Variants in GSG1L observed in about 807,000 individuals in gnomAD.
GSG1L encodes GSG1 like.
Under a neutral mutation model 42.1 loss-of-function variants are expected in GSG1L, and 24 were observed. The ratio of observed to expected loss-of-function variants is 0.57; its 90% CI spans 0.41 to 0.80. The LOEUF (loss-of-function observed/expected upper bound fraction) is 0.80. Among genes scored for constraint, GSG1L ranks in the 30% least tolerant of loss-of-function variants. The pLI is 0.00. For synonymous variants in GSG1L, 215 were observed against 203.5 expected (o/e 1.06, Z -0.48); for missense variants, 445 against 472.2 (o/e 0.94, Z 0.53).
chr16:28,037,116 T>G (rs185863753), intron 1 of GSG1L, among the ~76,000 whole-genome samples: 170 of 151,326 alleles, frequency 1.1e-3, no homozygotes, highest in African/African-American at 4.0e-3. Flanking sequence ...AACCTCCGCC[T>G]CCCAGGTTCA....
chr16:28,004,289 G>C (rs1361283449), intron 1 of GSG1L, among the ~76,000 whole-genome samples: 1 of 152,170 alleles, frequency 6.6e-6, no homozygotes, highest in African/African-American at 2.4e-5. Flanking sequence ...CTGGGCCTTG[G>C]TCTATCCACA....
At chr16:27,841,764 C>A (rs1363094258) in intron 4 of GSG1L, among the ~76,000 whole-genome samples, 1 of 152,100 alleles carries the variant, frequency 6.6e-6, no homozygotes, top group Non-Finnish European at 1.5e-5. Flanking sequence ...ATTCGGTGCC[C>A]CTTGGGAGGC....
chr16:27,804,629 A>C (rs2082935873), intron 6 of GSG1L, among the ~76,000 whole-genome samples: 1 of 149,370 alleles, frequency 6.7e-6, no homozygotes, highest in South Asian at 2.2e-4. Flanking sequence ...AAGGAATGAA[A>C]GATGAAATCG....
At chr16:28,034,490 T>C (rs1196162255) in intron 1 of GSG1L, among the ~76,000 whole-genome samples, 5 of 152,228 alleles carry the variant, frequency 3.3e-5, no homozygotes, top group Admixed American at 1.3e-4. Context: ...CAGGTGCTCA[T>C]ATAACATCAA....
intron 5 of GSG1L, among the ~76,000 whole-genome samples, chr16:27,808,138 G>A (rs1045902620): frequency 1.3e-5 from 2 of 151,774 alleles, no homozygotes; most frequent in African/African-American, 4.8e-5. Context: ...AGGCTGGAGT[G>A]TAGTAGCACA....
intron 2 of GSG1L, among the ~76,000 whole-genome samples, chr16:27,959,165 G>A (rs1336765124): frequency 6.7e-6 from 1 of 149,676 alleles, no homozygotes; most frequent in Non-Finnish European, 1.5e-5. Flanking sequence ...CTTCAGGATA[G>A]GGGTTCACTT....
intron 2 of GSG1L, among the ~76,000 whole-genome samples, chr16:27,935,960 A>G (rs1472916421): frequency 6.7e-6 from 1 of 150,304 alleles, no homozygotes; most frequent in South Asian, 2.2e-4. Context: ...CCGTATCTCA[A>G]GTGAGGTCAG....
At chr16:27,889,255 G>A (rs551695261) in intron 2 of GSG1L, among the ~76,000 whole-genome samples, 16 of 152,274 alleles carry the variant, frequency 1.1e-4, no homozygotes, top group African/African-American at 1.4e-4. Context: ...CTCCCAAAGC[G>A]CTGAAATTAT....
At chr16:27,843,539 G>T (rs1406303370) in intron 4 of GSG1L, among the ~76,000 whole-genome samples, 1 of 150,956 alleles carries the variant, frequency 6.6e-6, no homozygotes, top group African/African-American at 2.4e-5. Context: ...AGGAAGGCTG[G>T]TCTGTGCATT....
chr16:27,925,466 G>GC (rs2084580467), intron 2 of GSG1L, among the ~76,000 whole-genome samples: 1 of 152,194 alleles, frequency 6.6e-6, no homozygotes, highest in African/African-American at 2.4e-5. Flanking sequence ...GACTGAGAAA[G>GC]AGTCTTGACC....
intron 1 of GSG1L, among the ~76,000 whole-genome samples, chr16:28,024,391 C>T (rs576065206): frequency 1.3e-5 from 2 of 152,288 alleles, no homozygotes; most frequent in East Asian, 1.9e-4. Flanking sequence ...TGACATGATG[C>T]GTTTAGAGCA....
At position 27,946,140 on chromosome 16, in the gene GSG1L, C is replaced by T. The variant is rs527938407; in HGVS notation, c.397+17016G>A. ...GAAATAGCACAGGACTGACGGGATA[C>T]GTCACTTTGCTGTGTGACCTCAGGC... On this transcript the variant is annotated intron_variant, in intron 2 of 6. Coordinates refer to ENST00000447459, the MANE Select transcript of GSG1L (RefSeq NM_001109763.2). Among the ~76,000 whole-genome samples, 4 of 152,356 alleles carry T rather than the reference C, an allele frequency of 2.6e-5. No individual in the cohort carries two copies. In the South Asian group the frequency reaches 8.3e-4, roughly 32 times the overall value.
chr16:27,912,842 C>A (rs756450817), intron 2 of GSG1L, among the ~76,000 whole-genome samples: 1 of 152,168 alleles, frequency 6.6e-6, no homozygotes, highest in Non-Finnish European at 1.5e-5. Flanking sequence ...AAACTGGAAA[C>A]AACTAAATGG....
At chr16:27,947,638 G>T (rs182658371) in intron 2 of GSG1L, among the ~76,000 whole-genome samples, 1 of 152,132 alleles carries the variant, frequency 6.6e-6, no homozygotes, top group Admixed American at 6.5e-5. Flanking sequence ...TGTGGGTTGT[G>T]TGATAACATG....
At chr16:28,058,395 G>A (rs760688605) in intron 1 of GSG1L, among the ~76,000 whole-genome samples, 7 of 152,172 alleles carry the variant, frequency 4.6e-5, no homozygotes, top group Non-Finnish European at 8.8e-5. Flanking sequence ...TTGGGAGGCC[G>A]AGGCAAGCGG....
intron 1 of GSG1L, among the ~76,000 whole-genome samples, chr16:28,005,455 G>C (rs528565496): frequency 2.9e-4 from 44 of 152,144 alleles, no homozygotes; most frequent in Non-Finnish European, 5.0e-4. Context: ...TCCCTGTAAG[G>C]GTTTGTATTT....
intron 1 of GSG1L, among the ~76,000 whole-genome samples, chr16:28,051,594 T>C (rs540892350): frequency 1.3e-5 from 2 of 151,800 alleles, no homozygotes; most frequent in Admixed American, 6.6e-5. Context: ...GAAGACCTCA[T>C]TCACAAGGAA....
intron 2 of GSG1L, among the ~76,000 whole-genome samples, chr16:27,934,726 C>T (rs957192272): frequency 4.6e-5 from 7 of 152,146 alleles, no homozygotes; most frequent in East Asian, 3.9e-4. Context: ...CGCGGTTGTG[C>T]GAGGGTGTCA....
At chr16:27,815,482 C>T (rs1329526909) in intron 5 of GSG1L, among the ~76,000 whole-genome samples, 3 of 152,182 alleles carry the variant, frequency 2.0e-5, no homozygotes, top group Non-Finnish European at 2.9e-5. Context: ...AATTACCCAG[C>T]CTCAGGTATT....
Sources: allele counts gnomAD v4.1 joint callset (sites outside exome capture counted in the v4.1 genomes callset), GRCh38; gene constraint gnomAD v4.1.1; transcripts MANE v1.5; gene names NCBI Gene and HGNC (gene_info 2026-07-23, HGNC 2026-07-21).